DISP3: variants seen among roughly 807,000 people sequenced by gnomAD.
The protein encoded by DISP3 is dispatched RND transporter family member 3, also known as protein dispatched homolog 3.
DISP3 carries 101 observed loss-of-function variants against 135.3 expected under a neutral mutation model. That is an observed-to-expected ratio of 0.75 (90% CI 0.64 to 0.88). The LOEUF (loss-of-function observed/expected upper bound fraction) is 0.88. Ranked by LOEUF, DISP3 falls within the 40% of genes least tolerant of loss-of-function variation. The probability of loss-of-function intolerance (pLI) is 0.00; values close to 1 mark genes in which losing one functional copy is unlikely to be tolerated. For synonymous variants in DISP3, 856 were observed against 817.0 expected (o/e 1.05, Z -0.81); for missense variants, 1,713 against 1,878.6 (o/e 0.91, Z 1.63).
intron 2 of DISP3, among the ~76,000 whole-genome samples, 157 bp downstream of exon 2, chr1:11,502,245 C>T (rs1373303431): frequency 6.6e-6 from 1 of 152,222 alleles, no homozygotes; most frequent in Non-Finnish European, 1.5e-5. Flanking sequence ...AAGGGCTGGG[C>T]TCAGGTGTGA....
chr1:11,500,568 C>T (rs1033610883), intron 1 of DISP3, among the ~76,000 whole-genome samples: 1 of 152,186 alleles, frequency 6.6e-6, no homozygotes, highest in African/African-American at 2.4e-5. Context: ...AAGTACTTTA[C>T]AGCTGCTCAT....
chr1:11,518,581 C>T (rs1642079869), intron 7 of DISP3, among the ~76,000 whole-genome samples: 1 of 152,226 alleles, frequency 6.6e-6, no homozygotes, highest in Non-Finnish European at 1.5e-5. Context: ...TGCCCCCCGG[C>T]CTGGGGCTGT....
At position 11,534,547 on chromosome 1, in the gene DISP3, G is replaced by A. The variant is rs530755545; in HGVS notation, c.3535+7G>A. 67 of 1,597,448 alleles carry A rather than the reference G, an allele frequency of 4.2e-5. No individual in the cohort carries two copies. The highest frequency in any genetic ancestry group is 1.1e-4 in the South Asian group (10 of 87,788). On this transcript the variant is annotated splice_region_variant and intron_variant, in intron 18 of 20. Transcript: ENST00000294484. Reference sequence around the variant, plus strand: ...ATATTCATGGAAATCGTAGGCAAGCGGCAGCCTCGCCCCTCCATCCTGGGT... The same window carrying A: ...ATATTCATGGAAATCGTAGGCAAGCAGCAGCCTCGCCCCTCCATCCTGGGT...
chr1:11,481,061 T>TCACACA (rs144258748), intron 1 of DISP3, among the ~76,000 whole-genome samples: 3 of 138,080 alleles, frequency 2.2e-5, no homozygotes, highest in Non-Finnish European at 4.6e-5. Context: ...TCTCTCTCTC[T>TCACACA]CTCACACACA....
intron 3 of DISP3, among the ~76,000 whole-genome samples, chr1:11,506,306 T>A (rs560226226): frequency 6.6e-6 from 1 of 152,364 alleles, no homozygotes; most frequent in South Asian, 2.1e-4. Context: ...AAGAATGTCC[T>A]AGCTATTATC....
chr1:11,501,443 C>G lies in DISP3; in HGVS notation c.451C>G (p.Leu151Val). The G allele has an allele frequency of 6.3e-7, 1 of 1,598,608 alleles. No homozygotes were observed. The highest frequency in any genetic ancestry group is 8.5e-7 in the Non-Finnish European group (1 of 1,172,962). Residue 151 changes from leucine to valine, a missense_variant, in exon 2 of 21, where the codon CTT becomes GTT. By Grantham distance (32) the Leu-to-Val change is conservative. Transcript: ENST00000294484. This position sits in a 1 kb window ranked among gnomAD's most constrained non-coding sequence, Gnocchi z 4.9. ...CTTCACCTCCGAGACGCTTCAGCGCCTTATCTCAGAGCAGCTGCAGCAGCT... is the reference window on the plus strand; with the variant it reads ...CTTCACCTCCGAGACGCTTCAGCGCGTTATCTCAGAGCAGCTGCAGCAGCT... ...ADFTSETLQRLISEQLQQLHL... is the reference protein window; with the variant it reads ...ADFTSETLQRVISEQLQQLHL...
intron 10 of DISP3, among the ~76,000 whole-genome samples, chr1:11,523,103 C>T (rs957629532): frequency 2.0e-5 from 3 of 152,242 alleles, no homozygotes; most frequent in Non-Finnish European, 1.5e-5. Context: ...GGCCAGAACC[C>T]AGCGGGGCTG....
rs1338964337 is a variant in DISP3 at position 11,529,588 on chromosome 1, C to G, written c.2831C>G (p.Pro944Arg). The change falls in exon 14 of 21, where the codon CCC (proline) becomes CGC (arginine). Residue 944 changes from proline to arginine, a missense_variant. By Grantham distance (103) the Pro-to-Arg change is moderately radical. Transcript: ENST00000294484. This position sits in a 1 kb window ranked among gnomAD's most constrained non-coding sequence, Gnocchi z 4.7. ...TACTTCGCCCAGTCCCACAAGCCCC[C>G]CTTCCACGGGCGCGTATGCATGGCA... Reference protein sequence around the residue: ...KLYFAQSHKPPFHGRVCMAPP... With the variant: ...KLYFAQSHKPRFHGRVCMAPP... The G allele has an allele frequency of 1.3e-6, 2 of 1,598,764 alleles. No individual in the cohort carries two copies. The highest frequency in any genetic ancestry group is 1.7e-5 in the Admixed American group (1 of 58,646).
Position 11,531,463 on chromosome 1 carries a change from T to A in DISP3, c.3230-102T>A, listed in dbSNP as rs905480525. ...TGCCGTTGCCAATGGTTACAAGCAC[T>A]CTAAGCCTCAGAGGTATGTGAGTGC... On this transcript the variant is annotated intron_variant, in intron 16 of 20. Transcript: ENST00000294484. The surrounding 1 kb of genome is among the most constrained non-coding windows in gnomAD (Gnocchi z 5.2). 6.5e-7 allele frequency: 1 copy of A among 1,538,838 alleles called. No individual in the cohort carries two copies. The highest frequency in any genetic ancestry group is 8.9e-7 in the Non-Finnish European group (1 of 1,119,480).
intron 10 of DISP3, among the ~76,000 whole-genome samples, chr1:11,522,530 ACCCAGCCAGAG>A (rs1642228039): frequency 7.8e-6 from 1 of 127,788 alleles, no homozygotes; most frequent in South Asian, 2.6e-4. Flanking sequence ...TGGGGCCAGG[ACCCAGCCAGAG>A]CCCAGCCAGG....
rs978948215 is a variant in DISP3 at position 11,519,162 on chromosome 1, C to G, written c.1890-193C>G. On this transcript the variant is annotated intron_variant, in intron 7 of 20. Coordinates refer to ENST00000294484, the MANE Select transcript of DISP3 (RefSeq NM_020780.2). This position sits in a 1 kb window ranked among gnomAD's most constrained non-coding sequence, Gnocchi z 4.3. ...TTGTCTCTCTGGAGGAAGACTGGCA[C>G]CTGAGGGCCCTGGGGTAGATGGTAC... Among the ~76,000 whole-genome samples the G allele has an allele frequency of 6.6e-6, 1 of 152,126 alleles. No homozygotes were observed. The highest frequency in any genetic ancestry group is 2.4e-5 in the African/African-American group (1 of 41,426).
Position 11,491,619 on chromosome 1 carries a change from CAAACA to C in DISP3, c.-3-9356_-3-9352del, listed in dbSNP as rs1376716607. Among the ~76,000 whole-genome samples the C allele has an allele frequency of 6.6e-6, 1 of 151,488 alleles. No individual in the cohort carries two copies. The highest frequency in any genetic ancestry group is 1.5e-5 in the Non-Finnish European group (1 of 67,836). The stretch of plus-strand genomic sequence containing the variant: ...GAGTGAGATCCCATCTCAAAACAAA[CAAACA>C]AAACAAAACAAAACCCGGATTCCTG... On this transcript the variant is annotated intron_variant, in intron 1 of 20. Coordinates refer to ENST00000294484, the MANE Select transcript of DISP3 (RefSeq NM_020780.2). The surrounding 1 kb of genome is among the most constrained non-coding windows in gnomAD (Gnocchi z 4.3).
Position 11,519,457 on chromosome 1 carries a change from C to T in DISP3, c.1992C>T (p.Pro664=). 2 of 1,613,806 alleles carry T rather than the reference C, an allele frequency of 1.2e-6. No homozygotes were observed. Among genetic ancestry groups the T allele is most frequent in the African/African-American group, 1.3e-5 (1 of 75,062 alleles). The change falls in exon 8 of 21, where the codon CCC becomes CCT. Residue 664 remains proline, a synonymous_variant. Transcript: ENST00000294484. This position sits in a 1 kb window ranked among gnomAD's most constrained non-coding sequence, Gnocchi z 4.3. ...VGGSPAQGPI[P]YLDDDIPLLE... ...GCAGCCCTGCCCAGGGCCCCATACC[C>T]TACCTGGATGATGACATCCCCTTGC...
intron 13 of DISP3, among the ~76,000 whole-genome samples, chr1:11,527,547 CA>C (rs35666879): frequency 1.7e-3 from 207 of 123,236 alleles, no homozygotes; most frequent in Middle Eastern, 4.6e-3. Flanking sequence ...GACTCCATCT[CA>C]AAAAAAAAAA....
In DISP3 at chr1:11,501,556, C is replaced by T. The variant is rs1168936924; in HGVS notation, c.564C>T (p.Asp188=). 6.3e-7 allele frequency: 1 copy of T among 1,588,666 alleles called. No homozygotes were observed. The highest frequency in any genetic ancestry group is 1.1e-5 in the South Asian group (1 of 88,338). Residue 188 remains aspartate, a synonymous_variant, in exon 2 of 21, where the codon GAC becomes GAT. Coordinates refer to ENST00000294484, the MANE Select transcript of DISP3 (RefSeq NM_020780.2). This position sits in a 1 kb window ranked among gnomAD's most constrained non-coding sequence, Gnocchi z 4.9. ...TCGGTGGCCCAGGCCCTTACCGGGA[C>T]ACTTCCGCGGCTCAAAAGCCCACAG... ...ASLGGPGPYR[D]TSAAQKPTAN...
In DISP3 at chr1:11,501,230, C is replaced by T. The variant is rs1258054513; in HGVS notation, c.238C>T (p.Leu80=). The change falls in exon 2 of 21, where the codon CTG becomes TTG. Residue 80 remains leucine (L), a synonymous_variant. Transcript: ENST00000294484. The surrounding 1 kb of genome is among the most constrained non-coding windows in gnomAD (Gnocchi z 4.9). ...GTGCTGTGCTGGGCTGGTGCTCTTC[C>T]TGGGCTGCAGCATCCCCATGGCCCT... ...NPCCAGLVLF[L]GCSIPMALSA... 6.2e-7 allele frequency: 1 copy of T among 1,614,178 alleles called. No homozygotes were observed. Among genetic ancestry groups the T allele is most frequent in the South Asian group, 1.1e-5 (1 of 91,086 alleles).
In DISP3 at chr1:11,536,495, A is replaced by G. The variant is rs1170374397; in HGVS notation, c.3988A>G (p.Ile1330Val). The G allele has an allele frequency of 1.9e-6, 3 of 1,613,458 alleles. No individual in the cohort carries two copies. Among genetic ancestry groups the G allele is most frequent in the East Asian group, 2.2e-5 (1 of 44,880 alleles). The change falls in exon 21 of 21, where the codon ATC becomes GTC. Residue 1330 changes from isoleucine (I) to valine (V), a missense_variant. Around this residue, in one of 2 missense-constraint regions of DISP3, gnomAD observed 1,142 missense variants for 1,384.6 expected, o/e 0.82. Coordinates refer to ENST00000294484, the MANE Select transcript of DISP3 (RefSeq NM_020780.2). The surrounding 1 kb of genome is among the most constrained non-coding windows in gnomAD (Gnocchi z 4.3). ...TGTGGCACTCAACACGGGCGTGTCC[A>G]TCCTCTACACGCTGACCGTCAGCAC... ...KIVALNTGVS[I>V]LYTLTVSTAL...
intron 20 of DISP3, 42 bp downstream of exon 20, chr1:11,535,686 G>A: frequency 6.3e-7 from 1 of 1,582,630 alleles, no homozygotes; most frequent in Non-Finnish European, 8.6e-7. Context: ...ACCACATTGG[G>A]TCTTCTCCCA....
At chr1:11,526,883 C>A in intron 13 of DISP3, 48 bp downstream of exon 13, 1 of 1,561,488 alleles carries the variant, frequency 6.4e-7, no homozygotes, top group South Asian at 1.1e-5. Flanking sequence ...CCGGCTGCTT[C>A]TTTGCCCTTT....
Sources: gnomAD v4.1 joint callset for allele counts (sites outside exome capture counted in the v4.1 genomes callset) on GRCh38, gnomAD v4.1.1 for gene constraint, gnomAD v4.1.1 regional missense constraint, Gnocchi (gnomAD v3.1) non-coding constraint, MANE v1.5 for transcripts, NCBI Gene and HGNC (gene_info 2026-07-23, HGNC 2026-07-21) for gene names.